The following TG variants were observed in gnomAD, a reference collection of about 807,000 sequenced individuals.
The protein encoded by TG is thyroid hormones.
TG carries 270 observed loss-of-function variants against 324.7 expected under a neutral mutation model. The observed-to-expected ratio is 0.83, with a 90% CI of 0.75 to 0.92. TG has a LOEUF of 0.92. Ranked by LOEUF, TG falls within the 40% of genes least tolerant of loss-of-function variation. The probability of loss-of-function intolerance (pLI) is 0.00; values close to 1 mark genes in which losing one functional copy is unlikely to be tolerated. For missense variants in TG, 3,591 were observed against 3,456.4 expected (o/e 1.04, Z -0.98); for synonymous variants, 1,401 against 1,327.0 (o/e 1.06, Z -1.21).
At chr8:132,947,075 C>T (rs890046743) in intron 26 of TG, among the ~76,000 whole-genome samples, 3 of 152,178 alleles carry the variant, frequency 2.0e-5, no homozygotes, top group South Asian at 2.1e-4. Flanking sequence ...GTTCCACAGC[C>T]GGCCCTCAAG....
chr8:133,021,224 G>A (rs563965649), intron 39 of TG, among the ~76,000 whole-genome samples: 1 of 152,298 alleles, frequency 6.6e-6, no homozygotes, highest in African/African-American at 2.4e-5. Flanking sequence ...GTAAACACTT[G>A]GCACAGTGCC....
intron 45 of TG, among the ~76,000 whole-genome samples, chr8:133,127,692 G>C (rs1314188336): frequency 6.6e-6 from 1 of 152,114 alleles, no homozygotes; most frequent in Non-Finnish European, 1.5e-5. Context: ...TGGTTTTTCA[G>C]ACTTTGGATT....
intron 41 of TG, among the ~76,000 whole-genome samples, chr8:133,083,343 A>G (rs1206493815): frequency 6.6e-6 from 1 of 152,208 alleles, no homozygotes; most frequent in Non-Finnish European, 1.5e-5. Context: ...ATTTATTGTA[A>G]ACTTGAAACA....
chr8:133,012,255 A>G (rs1382580930), intron 36 of TG, among the ~76,000 whole-genome samples: 1 of 152,224 alleles, frequency 6.6e-6, no homozygotes, highest in Non-Finnish European at 1.5e-5. Context: ...GATGAGGGAC[A>G]TAAACCCAGG....
chr8:133,050,359 T>C, intron 41 of TG: 2 of 285,656 alleles, frequency 7.0e-6, no homozygotes, highest in Non-Finnish European at 6.7e-6. Flanking sequence ...AGTGAAGATC[T>C]AAATAAAAGG....
chr8:133,050,134 C>G, intron 41 of TG: 2 of 668,756 alleles, frequency 3.0e-6, no homozygotes, highest in Non-Finnish European at 2.7e-6. Flanking sequence ...ACCCATATTT[C>G]GTCATCTGAA....
intron 42 of TG, 148 bp downstream of exon 42, chr8:133,095,356 C>T: frequency 8.8e-7 from 1 of 1,132,596 alleles, no homozygotes; most frequent in Non-Finnish European, 1.3e-6. Context: ...ATTCCCTAGC[C>T]CCTAGAGCTG....
chr8:133,062,475 C>T (rs564934341), intron 41 of TG, among the ~76,000 whole-genome samples: 3 of 152,378 alleles, frequency 2.0e-5, no homozygotes, highest in Non-Finnish European at 2.9e-5. Context: ...GGCATCTCCC[C>T]GGTGCCGGGC....
At chr8:133,078,075 C>A (rs1237965540) in intron 41 of TG, among the ~76,000 whole-genome samples, 1 of 152,150 alleles carries the variant, frequency 6.6e-6, no homozygotes, top group Non-Finnish European at 1.5e-5. Context: ...CTCTGCAGCA[C>A]GTCTGCCTGT....
chr8:132,953,310 C>A (rs941412508), intron 27 of TG, among the ~76,000 whole-genome samples: 1 of 152,152 alleles, frequency 6.6e-6, no homozygotes, highest in African/African-American at 2.4e-5. Flanking sequence ...ATATCCTGAG[C>A]AGCTGCTGGG....
chr8:133,110,114 C>G (rs1850140133), intron 43 of TG, among the ~76,000 whole-genome samples: 1 of 152,190 alleles, frequency 6.6e-6, no homozygotes, highest in East Asian at 1.9e-4. Flanking sequence ...CGTAGCAAAG[C>G]AGCCTGGGGA....
At chr8:132,940,203 G>A (rs1003436751) in intron 25 of TG, among the ~76,000 whole-genome samples, 11 of 152,292 alleles carry the variant, frequency 7.2e-5, no homozygotes, top group Admixed American at 5.2e-4. Flanking sequence ...TGATCTGCCA[G>A]ACTGACGGGA....
At chr8:132,892,842 G>T (rs1479684663) in intron 10 of TG, among the ~76,000 whole-genome samples, 1 of 149,062 alleles carries the variant, frequency 6.7e-6, no homozygotes. Flanking sequence ...TATGTGTGTG[G>T]TGTGGTGTAT....
intron 19 of TG, 60 bp from the exon 20 acceptor site, chr8:132,912,987 C>T: frequency 6.5e-7 from 1 of 1,531,766 alleles, no homozygotes; most frequent in Non-Finnish European, 9.0e-7. Context: ...CCTGCTTAAT[C>T]CTCCCTGGCC....
At chr8:132,887,570 T>C (rs760977439) in intron 9 of TG, 22 bp downstream of exon 9, 1 of 1,614,162 alleles carries the variant, frequency 6.2e-7, no homozygotes, top group Non-Finnish European at 8.5e-7. Context: ...GGGTATTCAA[T>C]CTGTAGGTTC....
Position 133,013,305 on chromosome 8 carries a change from G to A in TG, c.6398-295G>A, listed in dbSNP as rs375068824. Among the ~76,000 whole-genome samples, 131 of 152,268 alleles carry A rather than the reference G, an allele frequency of 8.6e-4. No individual in the cohort carries two copies. In the South Asian group the frequency reaches 0.024, roughly 28 times the overall value. ...TTCATGGATTCATGGATGCATGAGC[G>A]GATGAAAGGATAGATGGATGGAAGG... On this transcript the variant is annotated intron_variant, in intron 36 of 47. Coordinates refer to ENST00000220616, the MANE Select transcript of TG (RefSeq NM_003235.5).
At chr8:132,980,277 A>G (rs1421807702) in intron 34 of TG, among the ~76,000 whole-genome samples, 3 of 152,058 alleles carry the variant, frequency 2.0e-5, no homozygotes, top group Admixed American at 6.5e-5. Flanking sequence ...CCCTATCTCC[A>G]AGAAGAAGAG....
chr8:132,931,400 C>T (rs565638743), intron 23 of TG, among the ~76,000 whole-genome samples: 54 of 152,040 alleles, frequency 3.6e-4, no homozygotes, highest in Non-Finnish European at 6.8e-4. Flanking sequence ...GGTGGTTTTA[C>T]GGTAGATCGA....
chr8:133,062,943 T>A (rs1048939754), intron 41 of TG, among the ~76,000 whole-genome samples: 1 of 152,234 alleles, frequency 6.6e-6, no homozygotes, highest in Non-Finnish European at 1.5e-5. Flanking sequence ...GCACAGGCTG[T>A]CCTGCACATG....
Sources: gnomAD v4.1 joint callset for allele counts (sites outside exome capture counted in the v4.1 genomes callset) on GRCh38, gnomAD v4.1.1 for gene constraint, MANE v1.5 for transcripts, NCBI Gene and HGNC (gene_info 2026-07-23, HGNC 2026-07-21) for gene names.